The following PCDHA7 variants were observed in gnomAD, a reference collection of about 807,000 sequenced individuals.
PCDHA7 encodes the protein protocadherin alpha-7.
Under a neutral mutation model 57.2 loss-of-function variants are expected in PCDHA7, and 37 were observed. The ratio of observed to expected loss-of-function variants is 0.65; its 90% confidence interval spans 0.50 to 0.85. The LOEUF (loss-of-function observed/expected upper bound fraction) is 0.85, where lower values mean the gene tolerates loss of function less well. Ranked by LOEUF, PCDHA7 falls within the 40% of genes least tolerant of loss-of-function variation. The pLI is 0.00. For missense variants in PCDHA7, 1,188 were observed against 1,241.8 expected (o/e 0.96, Z 0.65); for synonymous variants, 553 against 558.8 (o/e 0.99, Z 0.15).
At chr5:140,921,078 C>A (rs2153559626) in intron 1 of PCDHA7, among the ~76,000 whole-genome samples, 1 of 151,870 alleles carries the variant, frequency 6.6e-6, no homozygotes, top group East Asian at 2.0e-4. Context: ...CTCTTGGGCT[C>A]AAGAGAATCC....
At chr5:140,983,807 G>GT (rs1418454252) in intron 3 of PCDHA7, among the ~76,000 whole-genome samples, 1 of 152,100 alleles carries the variant, frequency 6.6e-6, no homozygotes, top group East Asian at 1.9e-4. Flanking sequence ...TGTGTAAAAG[G>GT]TTTTTTCCCA....
chr5:140,909,437 C>T (rs2074495257), intron 1 of PCDHA7, among the ~76,000 whole-genome samples: 1 of 152,198 alleles, frequency 6.6e-6, no homozygotes, highest in African/African-American at 2.4e-5. Flanking sequence ...TGATAATCCA[C>T]TGTCATTCTC....
intron 1 of PCDHA7, among the ~76,000 whole-genome samples, chr5:140,873,700 A>G (rs1411262715): frequency 3.3e-5 from 5 of 152,202 alleles, no homozygotes; most frequent in African/African-American, 1.2e-4. Flanking sequence ...TTGCTCTATC[A>G]CCCAGGCTGG....
chr5:140,889,259 G>C (rs371831027), intron 1 of PCDHA7, among the ~76,000 whole-genome samples: 37 of 151,916 alleles, frequency 2.4e-4, no homozygotes, highest in African/African-American at 6.7e-4. Context: ...TCCTGTAAAA[G>C]TTTGTATAAT....
intron 1 of PCDHA7, among the ~76,000 whole-genome samples, chr5:140,872,375 C>A (rs2053630195): frequency 6.6e-6 from 1 of 152,002 alleles, no homozygotes; most frequent in Admixed American, 6.6e-5. Flanking sequence ...GCCTGTAATC[C>A]CAGCTATTTG....
chr5:140,872,444 T>C (rs2053673560), intron 1 of PCDHA7, among the ~76,000 whole-genome samples: 2 of 152,002 alleles, frequency 1.3e-5, no homozygotes, highest in Admixed American at 1.3e-4. Flanking sequence ...CTGGACAACA[T>C]AGCGAGATCC....
intron 1 of PCDHA7, among the ~76,000 whole-genome samples, chr5:140,975,438 A>T (rs1436743661): frequency 5.9e-5 from 9 of 152,234 alleles, no homozygotes; most frequent in African/African-American, 1.7e-4. Flanking sequence ...ACACCAGGAT[A>T]TAGGGATCTT....
chr5:140,883,306 C>T (rs2059544095), intron 1 of PCDHA7: 2 of 1,614,050 alleles, frequency 1.2e-6, no homozygotes, highest in Non-Finnish European at 8.5e-7. Context: ...TAAATGATAA[C>T]GCCCCAGAGG....
intron 1 of PCDHA7, among the ~76,000 whole-genome samples, chr5:140,890,676 C>T (rs1377876863): frequency 3.3e-5 from 5 of 152,164 alleles, no homozygotes; most frequent in African/African-American, 1.2e-4. Flanking sequence ...AACCCTTCCT[C>T]CTTCTGGGAA....
intron 1 of PCDHA7, among the ~76,000 whole-genome samples, chr5:140,840,345 T>C (rs2150306031): frequency 3.9e-5 from 6 of 151,972 alleles, no homozygotes; most frequent in Non-Finnish European, 7.4e-5. Flanking sequence ...TGTTAGGGTA[T>C]ACAGGTAAAA....
At chr5:140,989,656 A>T (rs2153884121) in intron 3 of PCDHA7, among the ~76,000 whole-genome samples, 1 of 152,326 alleles carries the variant, frequency 6.6e-6, no homozygotes, top group Non-Finnish European at 1.5e-5. Context: ...GCAATATTTT[A>T]AAAGAAACTC....
At chr5:140,967,102 G>A (rs1279026258) in intron 1 of PCDHA7, 1 of 1,612,978 alleles carries the variant, frequency 6.2e-7, no homozygotes, top group African/African-American at 1.3e-5. Context: ...CGCTGTGTGA[G>A]CAGCGGCCTC....
intron 1 of PCDHA7, among the ~76,000 whole-genome samples, chr5:140,839,001 C>A (rs1775989279): frequency 6.6e-6 from 1 of 151,970 alleles, no homozygotes; most frequent in Non-Finnish European, 1.5e-5. Flanking sequence ...TTCTAATATA[C>A]TTTAGTAAAT....
intron 1 of PCDHA7, among the ~76,000 whole-genome samples, chr5:140,952,614 T>C (rs1381315866): frequency 6.6e-6 from 1 of 152,170 alleles, no homozygotes; most frequent in African/African-American, 2.4e-5. Flanking sequence ...CTCTCCCTCA[T>C]CTTCCCTCCA....
chr5:141,007,728 G>A (rs2098342783), intron 3 of PCDHA7, among the ~76,000 whole-genome samples: 1 of 152,096 alleles, frequency 6.6e-6, no homozygotes, highest in Non-Finnish European at 1.5e-5. Context: ...GAGAACAAAG[G>A]TTAACCACTG....
chr5:140,980,684 G>GAA (rs782726576), intron 2 of PCDHA7, among the ~76,000 whole-genome samples: 2 of 145,064 alleles, frequency 1.4e-5, no homozygotes, highest in African/African-American at 5.1e-5. Context: ...TTTTCAAATT[G>GAA]AAAAAAAAAA....
chr5:140,842,387 T>A lies in PCDHA7; in HGVS notation c.2355+5649T>A, dbSNP rs2150335066. On this transcript the variant is annotated intron_variant, in intron 1 of 3. Coordinates refer to ENST00000525929, the MANE Select transcript of PCDHA7 (RefSeq NM_018910.3). ...CCCTGAGATAGCACTGACTTCCTTA[T>A]CCTTGCCTGTACGTGAAGACGCTCA... The A allele has an allele frequency of 8.7e-6, 14 of 1,611,016 alleles. 1 individual carries two copies. The South Asian group carries it at 1.4e-4, about 16-fold the overall frequency.
chr5:140,898,079 C>G (rs1179252797), intron 1 of PCDHA7, among the ~76,000 whole-genome samples: 2 of 151,984 alleles, frequency 1.3e-5, no homozygotes, highest in East Asian at 1.9e-4. Context: ...ATTGTAGATT[C>G]TGGATATTAG....
rs2150239166 is a variant in PCDHA7, at chr5:140,835,601, A to G, written c.1218A>G (p.Ser406=). The change falls in exon 1 of 4, where the codon TCA becomes TCG. Residue 406 remains serine (S), a synonymous_variant. Coordinates refer to ENST00000525929, the MANE Select transcript of PCDHA7 (RefSeq NM_018910.3). ...KLVSTFKNYY[S]LVLDSALDRE... Reference sequence around the variant, plus strand: ...TGTCCACCTTCAAGAATTACTATTCATTGGTGCTGGACAGCGCTCTGGACC... The same window carrying G: ...TGTCCACCTTCAAGAATTACTATTCGTTGGTGCTGGACAGCGCTCTGGACC... 39 of 1,613,774 alleles carry G rather than the reference A, an allele frequency of 2.4e-5. No individual in the cohort carries two copies. Among genetic ancestry groups the G allele is most frequent in the African/African-American group, 6.7e-5 (5 of 74,910 alleles).
Sources: allele counts gnomAD v4.1 joint callset (sites outside exome capture counted in the v4.1 genomes callset), GRCh38; gene constraint gnomAD v4.1.1; transcripts MANE v1.5; gene names NCBI Gene and HGNC (gene_info 2026-07-23, HGNC 2026-07-21).